The following COL4A1 variants were observed in gnomAD, a reference collection of about 807,000 sequenced individuals.
The protein encoded by COL4A1 is collagen alpha-1(IV) chain.
Under a neutral mutation model 216.6 loss-of-function variants are expected in COL4A1, and 40 were observed. That is an observed-to-expected ratio of 0.18 (90% CI 0.14 to 0.24). COL4A1 has a LOEUF of 0.24. COL4A1 is among the 10% of genes least tolerant of loss of function. COL4A1 has a pLI of 1.00. For missense variants in COL4A1, 1,628 were observed against 2,196.8 expected (o/e 0.74, Z 5.18); for synonymous variants, 839 against 810.7 (o/e 1.03, Z -0.59).
chr13:110,205,233 A>G, intron 17 of COL4A1, 120 bp downstream of exon 17: 2 of 1,190,450 alleles, frequency 1.7e-6, no homozygotes, highest in Non-Finnish European at 2.4e-6. Flanking sequence ...TTTACCCAGA[A>G]GAAGCATAAA....
chr13:110,181,320 G>A lies in COL4A1; in HGVS notation c.2165C>T (p.Pro722Leu), dbSNP rs746580729. ...CTGGCCCTGCACACCTGGGTTCCCA[G>A]GTAAGCCATTAAATCCCGGGCGACC... ...TPGRPGFNGL[P>L]GNPGVQGQKG... is the part of the protein sequence containing the mutation. Residue 722 changes from proline (P) to leucine (L), a missense_variant, in exon 29 of 52, where the codon CCT becomes CTT. Transcript: ENST00000375820. 6.2e-7 allele frequency: 1 copy of A among 1,613,862 alleles called. No homozygotes were observed. Among genetic ancestry groups the A allele is most frequent in the African/African-American group, 1.3e-5 (1 of 74,906 alleles).
At chr13:110,213,346 ACT>A (rs1365147017) in intron 4 of COL4A1, among the ~76,000 whole-genome samples, 2 of 152,198 alleles carry the variant, frequency 1.3e-5, no homozygotes, top group African/African-American at 2.4e-5. Context: ...GCACAAAATA[ACT>A]CTGCTCCCAT....
At position 110,245,811 on chromosome 13, in the gene COL4A1, G is replaced by A. The variant is rs1032250584; in HGVS notation, c.85-3077C>T. ...TTTGGTACAGAAACACCCCCAGCCG[G>A]TGCCGGTGACAGGCGGGTGGGTAGT... On this transcript the variant is annotated intron_variant, in intron 1 of 51. Transcript: ENST00000375820. Among the ~76,000 whole-genome samples the A allele has an allele frequency of 2.0e-5, 3 of 152,292 alleles. No individual in the cohort carries two copies. The South Asian group carries it at 6.2e-4, about 32-fold the overall frequency.
At chr13:110,278,914 C>T (rs1883521073) in intron 1 of COL4A1, among the ~76,000 whole-genome samples, 1 of 152,094 alleles carries the variant, frequency 6.6e-6, no homozygotes, top group Admixed American at 6.5e-5. Context: ...TCTCAAACTA[C>T]AAATCATGTT....
At chr13:110,189,326 G>T (rs941661077) in intron 24 of COL4A1, among the ~76,000 whole-genome samples, 2 of 152,244 alleles carry the variant, frequency 1.3e-5, no homozygotes, top group Non-Finnish European at 2.9e-5. Context: ...GCCTCCCAAA[G>T]TGCTGGGATT....
At chr13:110,255,342 A>G (rs1882460426) in intron 1 of COL4A1, among the ~76,000 whole-genome samples, 1 of 151,534 alleles carries the variant, frequency 6.6e-6, no homozygotes, top group African/African-American at 2.4e-5. Flanking sequence ...TGAGGAGGGA[A>G]GGGAAATGAG....
intron 1 of COL4A1, among the ~76,000 whole-genome samples, chr13:110,274,548 A>T (rs1303408731): frequency 6.6e-6 from 1 of 152,184 alleles, no homozygotes; most frequent in Non-Finnish European, 1.5e-5. Context: ...TGGGGTCAGC[A>T]TCATCTATCC....
Position 110,307,065 on chromosome 13 carries a change from C to A in COL4A1, c.-38G>T, listed in dbSNP as rs1344483451. The A allele has an allele frequency of 1.4e-6, 2 of 1,410,994 alleles. No homozygotes were observed. Among genetic ancestry groups the A allele is most frequent in the African/African-American group, 1.5e-5 (1 of 66,508 alleles). The allele number at this position is 1,410,994 out of a possible 1,614,324, so 87.4% of individuals were successfully genotyped here. On this transcript the variant is annotated 5_prime_UTR_variant, in exon 1 of 52. Transcript: ENST00000375820. The surrounding 1 kb of genome is among the most constrained non-coding windows in gnomAD (Gnocchi z 5.0). ...GAGGCGGCGAGGGACGGCTGCCCGG[C>A]GTGCGGGGGCCGCGGCGGACAGCTA...
Position 110,192,195 on chromosome 13 carries a change from C to T in COL4A1, c.1536+19G>A. 6.2e-7 allele frequency: 1 copy of T among 1,613,584 alleles called. No homozygotes were observed. Among genetic ancestry groups the T allele is most frequent in the South Asian group, 1.1e-5 (1 of 91,076 alleles). ...TGGCAACTTCTGATATGTACATGAA[C>T]TCAGACAGGTTTACTTACTGGCACT... On this transcript the variant is annotated intron_variant, in intron 24 of 51. Transcript: ENST00000375820.
At chr13:110,249,136 G>A (rs1881967173) in intron 1 of COL4A1, among the ~76,000 whole-genome samples, 1 of 152,052 alleles carries the variant, frequency 6.6e-6, no homozygotes, top group South Asian at 2.1e-4. Flanking sequence ...CAAGAACGGA[G>A]GCATCTGTCT....
Position 110,207,948 on chromosome 13 carries a change from G to A in COL4A1, c.694-459C>T, listed in dbSNP as rs1879596152. ...CCGGGTACGCCTAAAAATTACAACT[G>A]CATACATTTCAGAGTCACTATATTT... On this transcript the variant is annotated intron_variant, in intron 12 of 51. Transcript: ENST00000375820. This position sits in a 1 kb window ranked among gnomAD's most constrained non-coding sequence, Gnocchi z 4.4. Among the ~76,000 whole-genome samples, 1 of 152,182 alleles carries A rather than the reference G, an allele frequency of 6.6e-6. No individual in the cohort carries two copies. The highest frequency in any genetic ancestry group is 2.4e-5 in the African/African-American group (1 of 41,446).
At chr13:110,195,718 T>C (rs995621197) in intron 21 of COL4A1, among the ~76,000 whole-genome samples, 7 of 152,326 alleles carry the variant, frequency 4.6e-5, no homozygotes, top group Admixed American at 1.3e-4. Flanking sequence ...AATATCAGTA[T>C]TGTTTATTGT....
At chr13:110,183,754 A>G (rs776443744) in intron 26 of COL4A1, among the ~76,000 whole-genome samples, 4 of 152,240 alleles carry the variant, frequency 2.6e-5, no homozygotes, top group Admixed American at 6.5e-5. Context: ...CGAACGATCC[A>G]TTATCTGTAA....
chr13:110,219,790 G>GTATATATA (rs1880324959), intron 2 of COL4A1, among the ~76,000 whole-genome samples: 11 of 134,364 alleles, frequency 8.2e-5, no homozygotes, highest in Admixed American at 1.6e-4. Flanking sequence ...GCGTATATAT[G>GTATATATA]TGTATATATG....
At chr13:110,186,322 G>C (rs948909705) in intron 26 of COL4A1, 63 bp downstream of exon 26, 1 of 1,603,842 alleles carries the variant, frequency 6.2e-7, no homozygotes, top group Non-Finnish European at 8.5e-7. Context: ...GTGTGCACCC[G>C]AGGTGCCTGC....
At chr13:110,286,439 C>G (rs1258819228) in intron 1 of COL4A1, among the ~76,000 whole-genome samples, 2 of 152,204 alleles carry the variant, frequency 1.3e-5, no homozygotes, top group African/African-American at 4.8e-5. Flanking sequence ...GCCTCAGGGT[C>G]CAGAGCCTTG....
intron 46 of COL4A1, 107 bp from the exon 47 acceptor site, chr13:110,163,668 C>A: frequency 9.2e-7 from 1 of 1,084,788 alleles, no homozygotes; most frequent in Admixed American, 2.0e-5. Flanking sequence ...AGCATAAAGT[C>A]TCACTGCAGA....
intron 51 of COL4A1, among the ~76,000 whole-genome samples, chr13:110,151,671 C>T (rs1402168830): frequency 6.6e-6 from 1 of 152,196 alleles, no homozygotes; most frequent in East Asian, 1.9e-4. Flanking sequence ...GTGCCAGCTC[C>T]GTCAGCCTCC....
intron 2 of COL4A1, 43 bp from the exon 3 acceptor site, chr13:110,214,058 G>T: frequency 6.5e-7 from 1 of 1,543,768 alleles, no homozygotes; most frequent in Non-Finnish European, 9.0e-7. Context: ...CAGCAGTAAA[G>T]AACAGAGGAA....
Sources: gnomAD v4.1 joint callset for allele counts (sites outside exome capture counted in the v4.1 genomes callset) on GRCh38, gnomAD v4.1.1 for gene constraint, Gnocchi (gnomAD v3.1) non-coding constraint, MANE v1.5 for transcripts, NCBI Gene and HGNC (gene_info 2026-07-23, HGNC 2026-07-21) for gene names.